Variants in GLMN observed in about 807,000 individuals in gnomAD.
GLMN encodes the protein glomulin, FKBP associated protein, also known as glomulin.
Under a neutral mutation model 87.8 loss-of-function variants are expected in GLMN, and 75 were observed. The observed-to-expected ratio is 0.85, with a 90% CI of 0.71 to 1.04. The LOEUF (loss-of-function observed/expected upper bound fraction) is 1.04, where lower values mean the gene tolerates loss of function less well. Ranked by LOEUF, GLMN falls within the 50% of genes least tolerant of loss-of-function variation. The pLI is 0.00. For synonymous variants in GLMN, 206 were observed against 221.6 expected (o/e 0.93, Z 0.63); for missense variants, 588 against 658.8 (o/e 0.89, Z 1.18).
At chr1:92,334,980 T>TC in the GLMN span, among the ~76,000 whole-genome samples, 3 of 151,218 alleles carry the variant, frequency 2.0e-5, no homozygotes, top group Admixed American at 2.0e-4. Flanking sequence ...AGAGTGAGAC[T>TC]CCATCTCAAA....
At chr1:92,305,616 A>G in the GLMN span, among the ~76,000 whole-genome samples, 43 of 152,082 alleles carry the variant, frequency 2.8e-4, no homozygotes, top group South Asian at 6.4e-3. Context: ...CACAAAGCAG[A>G]ATGTTAACTG....
chr1:92,308,139 C>G, the GLMN span, among the ~76,000 whole-genome samples: 1 of 152,200 alleles, frequency 6.6e-6, no homozygotes, highest in South Asian at 2.1e-4. Context: ...ACACCACTCT[C>G]AATTCAAATA....
chr1:92,271,129 G>A (rs778614180), intron 8 of GLMN, among the ~76,000 whole-genome samples: 9 of 152,246 alleles, frequency 5.9e-5, no homozygotes, highest in South Asian at 2.1e-4. Flanking sequence ...ATCCACTCAG[G>A]ATTACAGCAG....
At position 92,253,036 on chromosome 1, in the gene GLMN, TG is replaced by T. The variant is rs1196256095; in HGVS notation, c.1474-5048del. 4.6e-5 allele frequency among the ~76,000 whole-genome samples: 7 copies of T among 152,314 alleles called. No individual in the cohort carries two copies. The South Asian group carries it at 1.2e-3, about 27-fold the overall frequency. On this transcript the variant is annotated intron_variant, in intron 16 of 18. Coordinates refer to ENST00000370360, the MANE Select transcript of GLMN (RefSeq NM_053274.3). ...ATGGTAATGAAGAAATAAAAAGCCA[TG>T]AACAAGACCCAGGTTTCCCCTTTCT...
At position 92,269,745 on chromosome 1, in the gene GLMN, G is replaced by A; in HGVS notation, c.955C>T (p.His319Tyr). 6.2e-7 allele frequency: 1 copy of A among 1,608,136 alleles called. No homozygotes were observed. Among genetic ancestry groups the A allele is most frequent in the Admixed American group, 1.7e-5 (1 of 59,990 alleles). The change falls in exon 9 of 19, where the codon CAC (histidine) becomes TAC (tyrosine). Residue 319 changes from histidine (H) to tyrosine (Y), a missense_variant. By Grantham distance (83) the His-to-Tyr change is moderately conservative. Transcript: ENST00000370360. ...TACCTTTGCAAAAAGACTTCAATGT[G>A]CCCCATATTAAACTGCAAAAGGTAC... ...PLYLLQFNMG[H>Y]IEVFLQRTEE...
intron 6 of GLMN, among the ~76,000 whole-genome samples, chr1:92,287,757 G>A (rs1648940193): frequency 6.6e-6 from 1 of 151,748 alleles, no homozygotes; most frequent in Admixed American, 6.6e-5. Context: ...TTGCTATGTT[G>A]CCCAGGCTGG....
At chr1:92,341,428 C>A in the GLMN span, among the ~76,000 whole-genome samples, 2 of 152,050 alleles carry the variant, frequency 1.3e-5, no homozygotes, top group Admixed American at 1.3e-4. Flanking sequence ...TTTGGCTCAA[C>A]AATAGGAAAA....
chr1:92,304,172 A>G, the GLMN span: 524 of 1,163,394 alleles, frequency 4.5e-4, 4 homozygotes, highest in African/African-American at 6.1e-3. Context: ...AAGGTCATGA[A>G]CTAAAGGCAT....
the GLMN span, among the ~76,000 whole-genome samples, chr1:92,308,561 C>G: frequency 6.6e-6 from 1 of 152,130 alleles, no homozygotes; most frequent in East Asian, 1.9e-4. Context: ...TTTGTGCCAC[C>G]CTCATATCTA....
chr1:92,280,368 G>A (rs553962385), intron 7 of GLMN, among the ~76,000 whole-genome samples: 5 of 152,178 alleles, frequency 3.3e-5, no homozygotes, highest in Admixed American at 3.3e-4. Context: ...CATACCTGCA[G>A]CTGAGAGGTC....
the GLMN span, among the ~76,000 whole-genome samples, chr1:92,339,092 A>G: frequency 0.048 from 7,358 of 152,186 alleles, 614 homozygotes; most frequent in African/African-American, 0.17. Flanking sequence ...TAGCAATTTA[A>G]TTTACTTTGT....
the GLMN span, among the ~76,000 whole-genome samples, chr1:92,348,426 G>T: frequency 5.2e-4 from 79 of 152,062 alleles, no homozygotes; most frequent in African/African-American, 1.8e-3. Flanking sequence ...CTAGGTTTTT[G>T]CCTTTGAAAT....
chr1:92,248,205 G>A (rs1414818503), intron 16 of GLMN: 7 of 433,294 alleles, frequency 1.6e-5, no homozygotes, highest in South Asian at 6.4e-5. Context: ...TGCACCATTT[G>A]GATAGCTCCA....
At chr1:92,263,835 TAC>T in intron 14 of GLMN, 103 bp from the exon 15 acceptor site, 1 of 760,338 alleles carries the variant, frequency 1.3e-6, no homozygotes, top group East Asian at 2.5e-5. Flanking sequence ...ACATTTAAAA[TAC>T]AGTTTTTAAC....
the GLMN span, among the ~76,000 whole-genome samples, chr1:92,346,839 C>A: frequency 6.6e-6 from 1 of 152,072 alleles, no homozygotes; most frequent in South Asian, 2.1e-4. Context: ...TTGTAAAATT[C>A]TTCTTTTGAG....
chr1:92,282,792 G>T (rs12070249), intron 7 of GLMN, among the ~76,000 whole-genome samples: 5 of 152,044 alleles, frequency 3.3e-5, no homozygotes, highest in African/African-American at 9.7e-5. Context: ...TGATAAAGGG[G>T]ATATCACCAC....
At chr1:92,276,014 G>A (rs1647256136) in intron 7 of GLMN, among the ~76,000 whole-genome samples, 1 of 152,132 alleles carries the variant, frequency 6.6e-6, no homozygotes, top group South Asian at 2.1e-4. Flanking sequence ...TTGAGCCCAG[G>A]AGTTCAAGAC....
chr1:92,249,803 A>G (rs1036367086), intron 16 of GLMN, among the ~76,000 whole-genome samples: 1 of 152,058 alleles, frequency 6.6e-6, no homozygotes, highest in Non-Finnish European at 1.5e-5. Flanking sequence ...TCTGGTATCA[A>G]TCAATCATTC....
the GLMN span, among the ~76,000 whole-genome samples, chr1:92,343,281 G>C: frequency 2.6e-4 from 40 of 152,178 alleles, no homozygotes; most frequent in South Asian, 1.9e-3. Flanking sequence ...CGTTGGATTT[G>C]GCAGTATGGC....
Sources: gnomAD v4.1 joint callset for allele counts (sites outside exome capture counted in the v4.1 genomes callset) on GRCh38, gnomAD v4.1.1 for gene constraint, MANE v1.5 for transcripts, NCBI Gene and HGNC (gene_info 2026-07-23, HGNC 2026-07-21) for gene names.